PNPLA1: variants seen among roughly 807,000 people sequenced by gnomAD.
PNPLA1 encodes patatin like domain 1, omega-hydroxyceramide transacylase.
Under a neutral mutation model 51.7 loss-of-function variants are expected in PNPLA1, and 36 were observed. The observed-to-expected ratio is 0.70, with a 90% CI of 0.53 to 0.92. The LOEUF (loss-of-function observed/expected upper bound fraction) is 0.92, where lower values mean the gene tolerates loss of function less well. PNPLA1 is among the 40% of genes least tolerant of loss of function. PNPLA1 has a pLI of 0.00. For missense variants in PNPLA1, 658 were observed against 682.5 expected, an observed-to-expected ratio of 0.96 and a Z score of 0.40; for synonymous variants, 293 against 280.1, an observed-to-expected ratio of 1.05 and a Z score of -0.46.
chr6:36,291,592 C>A, intron 2 of PNPLA1, 40 bp downstream of exon 2: 2 of 105,202 alleles, frequency 1.9e-5, no homozygotes, highest in Admixed American at 1.4e-4. Context: ...ACGGAGGGGG[C>A]GGGGGAGGGC....
At chr6:36,257,547 CTTGT>C (rs1390451239) in intron 1 of PNPLA1, among the ~76,000 whole-genome samples, 4 of 152,158 alleles carry the variant, frequency 2.6e-5, no homozygotes, top group Non-Finnish European at 5.9e-5. Flanking sequence ...TGGGTTATTG[CTTGT>C]TTGTCTTTTT....
chr6:36,262,779 A>G (rs964561639), intron 1 of PNPLA1, among the ~76,000 whole-genome samples: 1 of 152,174 alleles, frequency 6.6e-6, no homozygotes, highest in African/African-American at 2.4e-5. Flanking sequence ...GAGCACACCC[A>G]GGTCCACAAT....
chr6:36,303,901 C>T (rs1357502488), intron 6 of PNPLA1, among the ~76,000 whole-genome samples: 1 of 152,050 alleles, frequency 6.6e-6, no homozygotes, highest in Non-Finnish European at 1.5e-5. Flanking sequence ...GGAGGGTATT[C>T]GTAGAGAATA....
In PNPLA1 at chr6:36,307,648, A is replaced by G. The variant is rs1347541520; in HGVS notation, c.1531A>G (p.Thr511Ala). ...NKVFKKNKQK[T>A]SGTRKGFPRH... is the part of the protein sequence containing the mutation. The stretch of plus-strand genomic sequence containing the variant: ...GGTCTTCAAGAAGAACAAGCAAAAG[A>G]CAAGTGGCACCAGAAAAGGCTTCCC... Residue 511 changes from threonine (T) to alanine (A), a missense_variant, in exon 8 of 9, where the codon ACA (threonine) becomes GCA (alanine). Coordinates refer to ENST00000636260, the MANE Select transcript of PNPLA1 (RefSeq NM_001374623.1). 2 of 1,614,020 alleles carry G rather than the reference A, an allele frequency of 1.2e-6. No homozygotes were observed. The highest frequency in any genetic ancestry group is 1.6e-4 in the Middle Eastern group (1 of 6,062).
chr6:36,257,444 T>C (rs562099174), intron 1 of PNPLA1, among the ~76,000 whole-genome samples: 1 of 152,348 alleles, frequency 6.6e-6, no homozygotes, highest in African/African-American at 2.4e-5. Flanking sequence ...GCACAGCACA[T>C]AGGCCTTGTC....
At chr6:36,284,231 T>C (rs868566637) in intron 1 of PNPLA1, among the ~76,000 whole-genome samples, 51 of 152,338 alleles carry the variant, frequency 3.3e-4, no homozygotes, top group African/African-American at 1.1e-3. Flanking sequence ...TCTGTTTCCA[T>C]GACAATCGGA....
chr6:36,283,403 A>G (rs1770379784), intron 1 of PNPLA1, among the ~76,000 whole-genome samples: 1 of 152,214 alleles, frequency 6.6e-6, no homozygotes, highest in South Asian at 2.1e-4. Context: ...AACAAATGGT[A>G]AATAAACCTC....
chr6:36,293,174 C>T (rs546623425), intron 3 of PNPLA1, 48 bp downstream of exon 3: 10 of 1,560,170 alleles, frequency 6.4e-6, no homozygotes, highest in Admixed American at 1.7e-5. Flanking sequence ...CAAGGGACCT[C>T]GGGTCCCTGT....
At chr6:36,253,322 T>C (rs1179357494) in intron 1 of PNPLA1, among the ~76,000 whole-genome samples, 1 of 152,248 alleles carries the variant, frequency 6.6e-6, no homozygotes, top group East Asian at 1.9e-4. Flanking sequence ...TCCCTTACTC[T>C]GCAATGTAGC....
rs889350598 is a variant in PNPLA1, at chr6:36,312,232, C to T, written c.*346C>T. On this transcript the variant is annotated 3_prime_UTR_variant, in exon 9 of 9. Transcript: ENST00000636260. ...CTTGTATAGTGTAAAATCTGCACAA[C>T]TGTACTCAGCCATCCGGAGACCACT... 2.6e-5 allele frequency: 4 copies of T among 152,196 alleles called. No homozygotes were observed. Among genetic ancestry groups the T allele is most frequent in the African/African-American group, 9.7e-5 (4 of 41,440 alleles). 9.4% of individuals were successfully genotyped at this position (152,196 alleles called of 1,614,324 possible).
At chr6:36,265,955 G>A (rs549888798), upstream of PNPLA1, among the ~76,000 whole-genome samples, 56 of 152,268 alleles carry the variant, frequency 3.7e-4, no homozygotes, top group African/African-American at 1.3e-3. Flanking sequence ...TAAAAAGGCT[G>A]CAGCTCCCAT....
chr6:36,253,326 A>G (rs1051675376), intron 1 of PNPLA1, among the ~76,000 whole-genome samples: 2 of 152,232 alleles, frequency 1.3e-5, no homozygotes, highest in Non-Finnish European at 2.9e-5. Context: ...TTACTCTGCA[A>G]TGTAGCTTTA....
chr6:36,305,674 C>T (rs942169055), intron 6 of PNPLA1, among the ~76,000 whole-genome samples: 4 of 151,348 alleles, frequency 2.6e-5, no homozygotes, highest in African/African-American at 9.8e-5. Flanking sequence ...AAGTCCAGGC[C>T]CCTTCAGGGG....
intron 1 of PNPLA1, among the ~76,000 whole-genome samples, chr6:36,288,916 A>T (rs1006750808): frequency 1.3e-5 from 2 of 152,182 alleles, no homozygotes; most frequent in African/African-American, 4.8e-5. Flanking sequence ...GACAGAACAA[A>T]ACTCTATTTG....
upstream of PNPLA1, among the ~76,000 whole-genome samples, chr6:36,265,928 C>T (rs1024844062): frequency 1.6e-4 from 25 of 152,202 alleles, no homozygotes; most frequent in African/African-American, 5.8e-4. Context: ...GCTGAGATTA[C>T]ATCAGAGGTT....
chr6:36,244,945 A>G (rs548724668), intron 1 of PNPLA1, among the ~76,000 whole-genome samples: 1 of 152,216 alleles, frequency 6.6e-6, no homozygotes, highest in Non-Finnish European at 1.5e-5. Context: ...CTCACAGGTA[A>G]GGGTTTTTAA....
At chr6:36,287,974 T>A in intron 1 of PNPLA1, among the ~76,000 whole-genome samples, 1 of 152,236 alleles carries the variant, frequency 6.6e-6, no homozygotes, top group Non-Finnish European at 1.5e-5. Flanking sequence ...ATGTGAGTAC[T>A]TTGGAATGTC....
At chr6:36,246,096 C>T (rs754018320) in intron 1 of PNPLA1, among the ~76,000 whole-genome samples, 10 of 152,318 alleles carry the variant, frequency 6.6e-5, no homozygotes, top group South Asian at 4.1e-4. Flanking sequence ...TGCACATACA[C>T]GCTCATCTAC....
At chr6:36,256,636 C>T (rs929648068) in intron 1 of PNPLA1, among the ~76,000 whole-genome samples, 9 of 151,906 alleles carry the variant, frequency 5.9e-5, no homozygotes, top group South Asian at 4.2e-4. Flanking sequence ...TTAGTGGAGA[C>T]GGGGTTTCAC....
Sources: allele counts gnomAD v4.1 joint callset (sites outside exome capture counted in the v4.1 genomes callset), GRCh38; gene constraint gnomAD v4.1.1; transcripts MANE v1.5; gene names NCBI Gene and HGNC (gene_info 2026-07-23, HGNC 2026-07-21).